TNKS: variants seen among roughly 807,000 people sequenced by gnomAD.
The protein encoded by TNKS is tankyrase, also known as poly [ADP-ribose] polymerase tankyrase-1.
A neutral mutation model predicts 135.8 loss-of-function variants in TNKS; 72 were observed. The observed-to-expected ratio is 0.53, with a 90% CI of 0.44 to 0.64. The LOEUF (loss-of-function observed/expected upper bound fraction) is 0.64. Ranked by LOEUF, TNKS falls within the 30% of genes least tolerant of loss-of-function variation. The pLI is 0.00. For missense variants in TNKS, 1,769 were observed against 1,674.0 expected, an observed-to-expected ratio of 1.06 and a Z score of -0.99; for synonymous variants, 849 against 649.3, an observed-to-expected ratio of 1.31 and a Z score of -4.68.
intron 1 of TNKS, chr8:9,566,527 C>G (rs1340328922): frequency 6.7e-6 from 1 of 150,104 alleles, no homozygotes; most frequent in Non-Finnish European, 1.5e-5. Context: ...TGAGTTAACA[C>G]TTCTGATTTC....
intron 3 of TNKS, among the ~76,000 whole-genome samples, chr8:9,671,548 T>C (rs920342589): frequency 6.6e-6 from 1 of 152,086 alleles, no homozygotes; most frequent in African/African-American, 2.4e-5. Context: ...TGGCATTCCG[T>C]AAAATAAAAC....
chr8:9,772,534 A>C (rs1196446263), intron 26 of TNKS: 3 of 413,664 alleles, frequency 7.3e-6, no homozygotes, highest in Non-Finnish European at 1.4e-5. Flanking sequence ...TCCAGATTAC[A>C]TGAGGCCCAA....
At chr8:9,728,671 T>G (rs559640185) in intron 13 of TNKS, among the ~76,000 whole-genome samples, 65 of 152,356 alleles carry the variant, frequency 4.3e-4, no homozygotes, top group African/African-American at 1.5e-3. Flanking sequence ...TATTCATTTT[T>G]TATTTAATTT....
intron 5 of TNKS, among the ~76,000 whole-genome samples, chr8:9,695,477 T>TTC (rs1803471876): frequency 1.3e-5 from 2 of 152,008 alleles, no homozygotes; most frequent in Non-Finnish European, 2.9e-5. Flanking sequence ...TGGAAAGTTG[T>TTC]GGGATGGGAT....
At chr8:9,564,698 T>G (rs978938064) in intron 1 of TNKS, among the ~76,000 whole-genome samples, 9 of 152,360 alleles carry the variant, frequency 5.9e-5, no homozygotes, top group Non-Finnish European at 1.3e-4. Flanking sequence ...TGTTTATTCT[T>G]CTGATAGCTA....
intron 3 of TNKS, among the ~76,000 whole-genome samples, chr8:9,664,600 A>G (rs1801902790): frequency 1.3e-5 from 2 of 152,376 alleles, no homozygotes; most frequent in South Asian, 4.1e-4. Context: ...ATGTGCCAGG[A>G]AAGGAAGACC....
At chr8:9,765,633 A>T in intron 23 of TNKS, 59 bp from the exon 24 acceptor site, 3 of 1,420,202 alleles carry the variant, frequency 2.1e-6, no homozygotes, top group Non-Finnish European at 3.0e-6. Context: ...CATACTTTTC[A>T]TTTTAAATCA....
At chr8:9,594,726 G>A (rs996764874) in intron 2 of TNKS, among the ~76,000 whole-genome samples, 1 of 152,026 alleles carries the variant, frequency 6.6e-6, no homozygotes, top group Non-Finnish European at 1.5e-5. Context: ...ACCTGTTGTA[G>A]GCCATTTAGG....
At chr8:9,595,890 A>T (rs1335267838) in intron 2 of TNKS, among the ~76,000 whole-genome samples, 1 of 152,016 alleles carries the variant, frequency 6.6e-6, no homozygotes, top group Non-Finnish European at 1.5e-5. Flanking sequence ...AAGTGGGAGG[A>T]TTGCTTGAGT....
intron 3 of TNKS, among the ~76,000 whole-genome samples, chr8:9,652,273 G>A (rs1035120295): frequency 2.0e-5 from 3 of 152,174 alleles, no homozygotes; most frequent in African/African-American, 4.8e-5. Context: ...CTCCTGGTAA[G>A]GTTTTATCGA....
intron 3 of TNKS, among the ~76,000 whole-genome samples, chr8:9,634,689 CCT>C (rs929002300): frequency 6.6e-6 from 1 of 152,158 alleles, no homozygotes; most frequent in Non-Finnish European, 1.5e-5. Flanking sequence ...GGGAAACAAA[CCT>C]CTATTTCTGC....
intron 3 of TNKS, among the ~76,000 whole-genome samples, chr8:9,647,041 C>G (rs1585272728): frequency 6.6e-6 from 1 of 152,186 alleles, no homozygotes; most frequent in African/African-American, 2.4e-5. Flanking sequence ...ACTCCATTTT[C>G]TAGCCAATAT....
chr8:9,556,023 G>A lies in TNKS; in HGVS notation c.84G>A (p.Pro28=). ...LQPAPGASAP[P]PPPPPPLSPG... is the part of the protein sequence containing the mutation. ...CCGCCCCAGGGGCTTCAGCGCCGCC[G>A]CCGCCACCTCCTCCCCCACTCAGCC... Residue 28 remains proline, a synonymous_variant, in exon 1 of 27, where the codon CCG becomes CCA. Coordinates refer to ENST00000310430, the MANE Select transcript of TNKS (RefSeq NM_003747.3). 1 of 1,612,336 alleles carries A rather than the reference G, an allele frequency of 6.2e-7. No homozygotes were observed. The highest frequency in any genetic ancestry group is 1.7e-4 in the Middle Eastern group (1 of 5,992).
In TNKS at chr8:9,706,833, T is replaced by C. The variant is rs139294552; in HGVS notation, c.1292T>C (p.Met431Thr). 2.5e-6 allele frequency: 4 copies of C among 1,612,176 alleles called. No homozygotes were observed. The highest frequency in any genetic ancestry group is 3.4e-6 in the Non-Finnish European group (4 of 1,179,496). The change falls in exon 8 of 27, where the codon ATG (methionine) becomes ACG (threonine). Residue 431 changes from methionine (M) to threonine (T), a missense_variant. Transcript: ENST00000310430. ...CAGCATGGAGCTTGTGTTAATGCCA[T>C]GGATCTCTGGCAGTTTACTCCACTG... ...LLKHGACVNA[M>T]DLWQFTPLHE...
chr8:9,680,742 A>G lies in TNKS; in HGVS notation c.1049A>G (p.Lys350Arg), dbSNP rs759790764. The change falls in exon 5 of 27, where the codon AAA (lysine) becomes AGA (arginine). Residue 350 changes from lysine to arginine, a missense_variant. Lys to Arg is a conservative substitution (Grantham distance 26). Around this residue, in one of 5 missense-constraint regions of TNKS, gnomAD observed 523 missense variants for 541.0 expected, o/e 0.97. Coordinates refer to ENST00000310430, the MANE Select transcript of TNKS (RefSeq NM_003747.3). ...TTTTATAGGAGTGGTAATGAAGAAA[A>G]ACTAATGGCTTTACTGACTCCTCTA... is the stretch of plus-strand genomic sequence containing the variant. ...LEAARSGNEEKLMALLTPLNV... is the reference protein window; with the variant it reads ...LEAARSGNEERLMALLTPLNV... The G allele has an allele frequency of 1.8e-5, 29 of 1,612,042 alleles. No homozygotes were observed. The Admixed American group carries it at 4.8e-4, about 27-fold the overall frequency.
chr8:9,765,873 A>T (rs958592699), intron 24 of TNKS, 76 bp downstream of exon 24: 1 of 1,175,386 alleles, frequency 8.5e-7, no homozygotes, highest in African/African-American at 1.5e-5. Flanking sequence ...ACCTACGTTA[A>T]ATTGACTATA....
At chr8:9,642,133 C>G (rs1198699918) in intron 3 of TNKS, among the ~76,000 whole-genome samples, 1 of 145,610 alleles carries the variant, frequency 6.9e-6, no homozygotes, top group Admixed American at 7.2e-5. Context: ...AAATTTTGTA[C>G]CAACTGCAAA....
At chr8:9,718,599 C>G (rs1804721417) in intron 11 of TNKS, among the ~76,000 whole-genome samples, 1 of 152,084 alleles carries the variant, frequency 6.6e-6, no homozygotes, top group Non-Finnish European at 1.5e-5. Context: ...AGTTATTCAT[C>G]TTCTGTAAAG....
At chr8:9,664,424 C>A (rs1018063478) in intron 3 of TNKS, among the ~76,000 whole-genome samples, 1 of 152,208 alleles carries the variant, frequency 6.6e-6, no homozygotes, top group Non-Finnish European at 1.5e-5. Context: ...GGATCCACCT[C>A]CATGACTCAG....
Sources: allele counts gnomAD v4.1 joint callset (sites outside exome capture counted in the v4.1 genomes callset), GRCh38; gene constraint gnomAD v4.1.1; regional missense constraint gnomAD v4.1.1; transcripts MANE v1.5; gene names NCBI Gene and HGNC (gene_info 2026-07-23, HGNC 2026-07-21).